The following GLI2 variants were observed in gnomAD, a reference collection of about 807,000 sequenced individuals.
GLI2 encodes transcription activator GLI2.
A neutral mutation model predicts 78.9 loss-of-function variants in GLI2; 22 were observed. The ratio of observed to expected loss-of-function variants is 0.28; its 90% CI spans 0.20 to 0.40. The LOEUF (loss-of-function observed/expected upper bound fraction) is 0.40. Ranked by LOEUF, GLI2 falls within the 10% of genes least tolerant of loss-of-function variation. The pLI, the probability that GLI2 is intolerant of heterozygous loss-of-function variation, is 1.00. For missense variants in GLI2, 2,097 were observed against 2,213.2 expected, an observed-to-expected ratio of 0.95 and a Z score of 1.05; for synonymous variants, 974 against 963.7, an observed-to-expected ratio of 1.01 and a Z score of -0.20.
intron 3 of GLI2, among the ~76,000 whole-genome samples, chr2:120,945,172 A>G (rs1419724857): frequency 6.6e-6 from 1 of 152,234 alleles, no homozygotes; most frequent in Non-Finnish European, 1.5e-5. Flanking sequence ...TCAGCAGGCC[A>G]GAACCAACAT....
intron 9 of GLI2, among the ~76,000 whole-genome samples, chr2:120,976,629 A>G (rs1023935358): frequency 4.6e-5 from 7 of 152,236 alleles, no homozygotes; most frequent in Non-Finnish European, 1.0e-4. Flanking sequence ...GAGGATGTCA[A>G]AGACGTGCTC....
chr2:120,878,942 AT>A (rs1474227162), intron 2 of GLI2, among the ~76,000 whole-genome samples: 1 of 151,602 alleles, frequency 6.6e-6, no homozygotes, highest in Non-Finnish European at 1.5e-5. Flanking sequence ...AAAAAAAAAA[AT>A]CTTTCTTCTG....
At chr2:120,971,002 C>T (rs188919270) in intron 7 of GLI2, among the ~76,000 whole-genome samples, 164 of 152,344 alleles carry the variant, frequency 1.1e-3, no homozygotes, top group African/African-American at 3.8e-3. Flanking sequence ...ACCCTTCCAA[C>T]GGGCCTTGAG....
At position 120,989,800 on chromosome 2, in the gene GLI2, G is replaced by A; in HGVS notation, c.3835G>A (p.Gly1279Ser). Residue 1279 changes from glycine to serine, a missense_variant, in exon 14 of 14, where the codon GGC becomes AGC. By Grantham distance (56) the Gly-to-Ser change is moderately conservative. Around this residue, in one of 5 missense-constraint regions of GLI2, gnomAD observed 1,290 missense variants for 1,261.7 expected, o/e 1.02. Transcript: ENST00000361492. ...TEVAPDPTTM[G>S]NRHRELGVPD... ...AGTGGCACCTGACCCCACCACGATG[G>A]GCAATCGCCACAGGGAACTTGGGGT... The A allele has an allele frequency of 6.2e-7, 1 of 1,610,794 alleles. No homozygotes were observed. The highest frequency in any genetic ancestry group is 8.5e-7 in the Non-Finnish European group (1 of 1,178,448).
intron 3 of GLI2, among the ~76,000 whole-genome samples, chr2:120,950,808 T>C (rs1261927028): frequency 1.3e-5 from 2 of 152,250 alleles, no homozygotes; most frequent in Non-Finnish European, 2.9e-5. Context: ...GTTAGCAGTA[T>C]GAGCTCTTTG....
intron 1 of GLI2, among the ~76,000 whole-genome samples, chr2:120,785,163 A>AGGAG (rs1411684231): frequency 6.6e-6 from 1 of 152,142 alleles, no homozygotes; most frequent in Non-Finnish European, 1.5e-5. Context: ...GGTGGCTGCC[A>AGGAG]GGAGGGAGGG....
intron 3 of GLI2, among the ~76,000 whole-genome samples, chr2:120,928,706 C>G (rs1679809737): frequency 6.6e-6 from 1 of 152,242 alleles, no homozygotes; most frequent in Non-Finnish European, 1.5e-5. Context: ...CACCCATTGC[C>G]TCCCCAAGAC....
intron 1 of GLI2, among the ~76,000 whole-genome samples, chr2:120,760,166 C>A (rs1683171106): frequency 6.6e-6 from 1 of 152,114 alleles, no homozygotes; most frequent in Non-Finnish European, 1.5e-5. Flanking sequence ...GAGGCCCTGG[C>A]CCCCGTGGGC....
rs113621892 is a variant in GLI2 at position 120,945,871 on chromosome 2, C to T, written c.255-5372C>T. On this transcript the variant is annotated intron_variant, in intron 3 of 13. Transcript: ENST00000361492. ...GGGCTCAGGTCATGTGTCCCCTGCC[C>T]AGAGCAGCAGAAAGGAAGTGGGTTC... is the stretch of plus-strand genomic sequence containing the variant. Among the ~76,000 whole-genome samples the T allele has an allele frequency of 4.8e-3, 733 of 151,924 alleles. 2 individuals carry two copies. The highest frequency in any genetic ancestry group is 0.017 in the African/African-American group (694 of 41,464).
intron 2 of GLI2, among the ~76,000 whole-genome samples, chr2:120,802,857 C>T (rs1684767438): frequency 6.6e-6 from 1 of 152,232 alleles, no homozygotes; most frequent in Admixed American, 6.5e-5. Context: ...CCAGTGTGGG[C>T]CGCACCAGCA....
At chr2:120,806,486 C>T (rs1313407799) in intron 2 of GLI2, among the ~76,000 whole-genome samples, 3 of 152,032 alleles carry the variant, frequency 2.0e-5, no homozygotes, top group Non-Finnish European at 4.4e-5. Flanking sequence ...CGGGGTTCCA[C>T]CAGGTGGAAA....
At chr2:120,835,943 G>C (rs1476788938) in intron 2 of GLI2, among the ~76,000 whole-genome samples, 1 of 152,132 alleles carries the variant, frequency 6.6e-6, no homozygotes, top group Non-Finnish European at 1.5e-5. Flanking sequence ...CAAGGTGGGG[G>C]ATGTTCTGCC....
chr2:120,741,771 G>A (rs1194758921), intron 1 of GLI2, among the ~76,000 whole-genome samples: 2 of 151,748 alleles, frequency 1.3e-5, no homozygotes, highest in African/African-American at 2.4e-5. Context: ...CCGCGGCTGC[G>A]GCCCTCCCAC....
chr2:120,882,743 G>A (rs1055749647), intron 2 of GLI2, among the ~76,000 whole-genome samples: 5 of 152,170 alleles, frequency 3.3e-5, no homozygotes, highest in African/African-American at 1.2e-4. Context: ...TGCCCTCCAG[G>A]GCTGAGATAG....
chr2:120,986,543 A>G lies in GLI2; in HGVS notation c.2171A>G (p.Lys724Arg). The change falls in exon 13 of 14, where the codon AAG becomes AGG. Residue 724 changes from lysine to arginine, a missense_variant. Lys to Arg is a conservative substitution (Grantham distance 26). This residue lies in a region of GLI2 where 1,290 missense variants were observed against 1,261.7 expected (regional missense o/e 1.02). Coordinates refer to ENST00000361492, the MANE Select transcript of GLI2 (RefSeq NM_001374353.1). ...QLKKEKLKSL[K>R]DSCSWAGPTP... ...AAGAAGGAGAAGCTCAAGTCACTCA[A>G]GGATTCCTGCTCATGGGCCGGGCCG... The G allele has an allele frequency of 1.2e-6, 2 of 1,614,154 alleles. No individual in the cohort carries two copies. The highest frequency in any genetic ancestry group is 1.7e-6 in the Non-Finnish European group (2 of 1,180,026).
rs6749635 is a variant in GLI2, at chr2:120,749,756, A to T, written c.-31+13471A>T. Among the ~76,000 whole-genome samples, 1,003 of 152,338 alleles carry T rather than the reference A, an allele frequency of 6.6e-3. 4 individuals carry two copies. The highest frequency in any genetic ancestry group is 0.031 in the Middle Eastern group (9 of 294). Reference sequence around the variant, plus strand: ...TCTCACTGATGTACTTGAATAAGGCAGCAGCCCCTGACCTTAGTAGTCCCT... The same window carrying T: ...TCTCACTGATGTACTTGAATAAGGCTGCAGCCCCTGACCTTAGTAGTCCCT... On this transcript the variant is annotated intron_variant, in intron 1 of 13. Transcript: ENST00000361492.
At chr2:120,946,569 C>T (rs981618690) in intron 3 of GLI2, among the ~76,000 whole-genome samples, 1 of 152,198 alleles carries the variant, frequency 6.6e-6, no homozygotes, top group African/African-American at 2.4e-5. Context: ...CCGTGGCTCA[C>T]ACCAAGGCCG....
At chr2:120,976,068 A>G (rs185786563) in intron 9 of GLI2, among the ~76,000 whole-genome samples, 3 of 152,162 alleles carry the variant, frequency 2.0e-5, no homozygotes, top group Non-Finnish European at 4.4e-5. Flanking sequence ...CTTAAATTCA[A>G]GAAAGCCACC....
chr2:120,973,968 C>T (rs1682322375), intron 8 of GLI2, among the ~76,000 whole-genome samples: 3 of 152,130 alleles, frequency 2.0e-5, no homozygotes, highest in Admixed American at 6.5e-5. Context: ...ATTGAGTCCC[C>T]GGAGCCAGTG....
Sources: allele counts gnomAD v4.1 joint callset (sites outside exome capture counted in the v4.1 genomes callset), GRCh38; gene constraint gnomAD v4.1.1; regional missense constraint gnomAD v4.1.1; transcripts MANE v1.5; gene names NCBI Gene and HGNC (gene_info 2026-07-23, HGNC 2026-07-21).